The following TRAIP variants were observed in gnomAD, a reference collection of about 807,000 sequenced individuals.
TRAIP encodes the protein E3 ubiquitin-protein ligase TRAIP.
Under a neutral mutation model 65.0 loss-of-function variants are expected in TRAIP, and 37 were observed. That is an observed-to-expected ratio of 0.57 (90% CI 0.44 to 0.75). TRAIP has a LOEUF of 0.75. Among genes scored for constraint, TRAIP ranks in the 30% least tolerant of loss-of-function variants. The pLI, the probability that TRAIP is intolerant of heterozygous loss-of-function variation, is 0.00. For synonymous variants in TRAIP, 187 were observed against 219.1 expected, an observed-to-expected ratio of 0.85 and a Z score of 1.29; for missense variants, 481 against 579.4, an observed-to-expected ratio of 0.83 and a Z score of 1.74.
In TRAIP at chr3:49,847,534, T is replaced by A; in HGVS notation, c.231A>T (p.Glu77Asp). The A allele has an allele frequency of 1.9e-6, 3 of 1,609,542 alleles. No individual in the cohort carries two copies. The highest frequency in any genetic ancestry group is 2.5e-6 in the Non-Finnish European group (3 of 1,178,048). ...AQEEENVLDA[E>D]FLKNELDNVR... ...GATAAATTCTGGGTACCTTTAAGAA[T>A]TCTGCATCCAAGACATTCTCCTCCT... The change falls in exon 3 of 15, where the codon GAA becomes GAT. Residue 77 changes from glutamate (E) to aspartate (D), a missense_variant. Glu to Asp is a conservative substitution (Grantham distance 45). Coordinates refer to ENST00000331456, the MANE Select transcript of TRAIP (RefSeq NM_005879.3).
Position 49,843,790 on chromosome 3 carries a change from T to C in TRAIP, c.408+11A>G. ...CTATGAATTCTGTACCCATAAAACC[T>C]GAGGACCTACTTTCAGTGTGGAGCA... On this transcript the variant is annotated intron_variant, in intron 5 of 14. Coordinates refer to ENST00000331456, the MANE Select transcript of TRAIP (RefSeq NM_005879.3). 2 of 1,611,152 alleles carry C rather than the reference T, an allele frequency of 1.2e-6. No individual in the cohort carries two copies. The highest frequency in any genetic ancestry group is 1.7e-6 in the Non-Finnish European group (2 of 1,177,500).
chr3:49,850,991 G>T (rs1307667474), intron 1 of TRAIP, among the ~76,000 whole-genome samples: 52 of 150,662 alleles, frequency 3.5e-4, no homozygotes, highest in Middle Eastern at 3.4e-3. Context: ...TTGGTGGGGG[G>T]ACTTTCGAGA....
rs902669184 is a variant in TRAIP at position 49,834,633 on chromosome 3, T to C, written c.885-2565A>G. Among the ~76,000 whole-genome samples the C allele has an allele frequency of 3.9e-5, 6 of 152,158 alleles. No homozygotes were observed. In the South Asian group the frequency reaches 8.3e-4, roughly 21 times the overall value. On this transcript the variant is annotated intron_variant, in intron 10 of 14. Coordinates refer to ENST00000331456, the MANE Select transcript of TRAIP (RefSeq NM_005879.3). ...GTACAATGACCTAGGGCAGCCAATA[T>C]TATTGGACCCAACAGTAAAGCCTTC...
intron 10 of TRAIP, among the ~76,000 whole-genome samples, chr3:49,832,292 A>T (rs2081740993): frequency 6.6e-6 from 1 of 152,076 alleles, no homozygotes; most frequent in Non-Finnish European, 1.5e-5. Context: ...AGAGATCAAG[A>T]CCACCCGGGC....
chr3:49,828,711 A>T lies in TRAIP; in HGVS notation c.*392T>A, dbSNP rs2081704545. 1 of 222,912 alleles carries T rather than the reference A, an allele frequency of 4.5e-6. No homozygotes were observed. Among genetic ancestry groups the T allele is most frequent in the Non-Finnish European group, 9.3e-6 (1 of 107,812 alleles). 13.8% of individuals were successfully genotyped at this position (222,912 alleles called of 1,614,324 possible). On this transcript the variant is annotated 3_prime_UTR_variant, in exon 15 of 15. Transcript: ENST00000331456. ...TTGGCCCAGGCTATGCCTAGAAGCA[A>T]GTCAAAGGCAGGTAGAAGCTTGGGC...
intron 4 of TRAIP, 127 bp downstream of exon 4, chr3:49,844,414 C>T (rs982211290): frequency 3.9e-6 from 4 of 1,030,122 alleles, no homozygotes; most frequent in Non-Finnish European, 5.8e-6. Flanking sequence ...TAGCAGGACT[C>T]TTGGACATAC....
At chr3:49,850,318 G>T (rs1298886200) in intron 1 of TRAIP, among the ~76,000 whole-genome samples, 1 of 152,016 alleles carries the variant, frequency 6.6e-6, no homozygotes, top group Non-Finnish European at 1.5e-5. Context: ...GACCAACATG[G>T]TGAAACCCCG....
Position 49,840,362 on chromosome 3 carries a change from G to A in TRAIP, c.717C>T (p.Val239=). ...ACTTGGCCTGATCCAATTCAGAGTA[G>A]ACTGTCTGCAACTATAAGAAAGTGT... ...LFSSRSKLQT[V]YSELDQAKLE... The change falls in exon 9 of 15, where the codon GTC becomes GTT. Residue 239 remains valine, a synonymous_variant. Coordinates refer to ENST00000331456, the MANE Select transcript of TRAIP (RefSeq NM_005879.3). 1 of 1,614,072 alleles carries A rather than the reference G, an allele frequency of 6.2e-7. No individual in the cohort carries two copies. The highest frequency in any genetic ancestry group is 1.1e-5 in the South Asian group (1 of 91,088).
At chr3:49,853,416 CTAA>C (rs1351338552) in intron 1 of TRAIP, among the ~76,000 whole-genome samples, 2 of 151,762 alleles carry the variant, frequency 1.3e-5, no homozygotes, top group Non-Finnish European at 2.9e-5. Flanking sequence ...ACCAGCCTGG[CTAA>C]CATAGCGAGA....
At chr3:49,836,952 C>CTTT (rs397875517) in intron 10 of TRAIP, among the ~76,000 whole-genome samples, 59 of 83,220 alleles carry the variant, frequency 7.1e-4, no homozygotes, top group East Asian at 1.1e-3. Context: ...CTTGACATGA[C>CTTT]TTTTTTTTTT....
At chr3:49,847,777 A>G (rs1166627888) in intron 2 of TRAIP, among the ~76,000 whole-genome samples, 169 bp from the exon 3 acceptor site, 1 of 152,210 alleles carries the variant, frequency 6.6e-6, no homozygotes, top group Non-Finnish European at 1.5e-5. Context: ...TTACTCCTGC[A>G]GGTACCCCAA....
At chr3:49,849,223 CT>C (rs1014366692) in intron 1 of TRAIP, among the ~76,000 whole-genome samples, 22 of 151,938 alleles carry the variant, frequency 1.4e-4, no homozygotes, top group Non-Finnish European at 2.6e-4. Context: ...GCTGCCCAAG[CT>C]GGTCTCAACT....
At chr3:49,842,286 G>C (rs2081845888) in intron 6 of TRAIP, among the ~76,000 whole-genome samples, 167 bp downstream of exon 6, 2 of 152,090 alleles carry the variant, frequency 1.3e-5, no homozygotes, top group African/African-American at 4.8e-5. Context: ...AGAGTTCATA[G>C]AGGCTAAGAT....
chr3:49,837,150 G>C (rs1426845844), intron 10 of TRAIP, among the ~76,000 whole-genome samples: 1 of 152,014 alleles, frequency 6.6e-6, no homozygotes, highest in East Asian at 1.9e-4. Flanking sequence ...GCAGTCACAG[G>C]AGAAAGGTAG....
chr3:49,828,994 C>T lies in TRAIP; in HGVS notation c.*109G>A. 2.0e-6 allele frequency: 3 copies of T among 1,509,296 alleles called. No individual in the cohort carries two copies. The highest frequency in any genetic ancestry group is 2.3e-5 in the East Asian group (1 of 44,194). 93.5% of individuals were successfully genotyped at this position (1,509,296 alleles called of 1,614,324 possible). Reference sequence around the variant, plus strand: ...CCTCACCTGTTTGTCTGCCCTTACACCTCAGGCTGGTCCCGAAAGTGGGGC... The same window carrying T: ...CCTCACCTGTTTGTCTGCCCTTACATCTCAGGCTGGTCCCGAAAGTGGGGC... On this transcript the variant is annotated 3_prime_UTR_variant, in exon 15 of 15. Transcript: ENST00000331456.
chr3:49,847,626 G>GT lies in TRAIP; in HGVS notation c.157-19dup, dbSNP rs2081896444. On this transcript the variant is annotated intron_variant, in intron 2 of 14. Transcript: ENST00000331456. ...TTGCCAACCTGGATGGGAGAACAAG[G>GT]TAAGAGTATGATTGTGTAGCTGGGT... 2 of 1,583,018 alleles carry GT rather than the reference G, an allele frequency of 1.3e-6. No individual in the cohort carries two copies. The highest frequency in any genetic ancestry group is 1.7e-5 in the Admixed American group (1 of 57,674).
Position 49,844,516 on chromosome 3 carries a change from C to A in TRAIP, c.280+25G>T, listed in dbSNP as rs765209081. 9.9e-6 allele frequency: 16 copies of A among 1,613,032 alleles called. No individual in the cohort carries two copies. The South Asian group carries it at 1.5e-4, about 16-fold the overall frequency. On this transcript the variant is annotated intron_variant, in intron 4 of 14. Coordinates refer to ENST00000331456, the MANE Select transcript of TRAIP (RefSeq NM_005879.3). ...AGCATCCAAGTCAGGGGCTTCCCAG[C>A]ACCCCTCGTCTCTTGCTAACTCACC...
chr3:49,851,263 C>T (rs912586197), intron 1 of TRAIP, among the ~76,000 whole-genome samples: 1 of 152,212 alleles, frequency 6.6e-6, no homozygotes, highest in Non-Finnish European at 1.5e-5. Context: ...CGTGAATCAA[C>T]ACGCCCAGCC....
intron 11 of TRAIP, among the ~76,000 whole-genome samples, chr3:49,831,539 G>A (rs1373744735): frequency 2.6e-5 from 4 of 152,230 alleles, no homozygotes; most frequent in Admixed American, 2.6e-4. Context: ...CCTCAGGCAT[G>A]AGCCTCAGAG....
Sources: allele counts gnomAD v4.1 joint callset (sites outside exome capture counted in the v4.1 genomes callset), GRCh38; gene constraint gnomAD v4.1.1; transcripts MANE v1.5; gene names NCBI Gene and HGNC (gene_info 2026-07-23, HGNC 2026-07-21).